Variants in AGBL1 observed in about 807,000 individuals in gnomAD.
The protein encoded by AGBL1 is cytosolic carboxypeptidase 4.
In AGBL1, 130 loss-of-function variants were observed where a neutral mutation model predicts 118.9. The ratio of observed to expected loss-of-function variants is 1.09; its 90% confidence interval spans 0.95 to 1.26. The LOEUF (loss-of-function observed/expected upper bound fraction) is 1.26, where lower values mean the gene tolerates loss of function less well. Among genes scored for constraint, AGBL1 ranks in the 50% most tolerant of loss-of-function variants. The pLI is 0.00. For synonymous variants in AGBL1, 555 were observed against 478.9 expected, an observed-to-expected ratio of 1.16 and a Z score of -2.08; for missense variants, 1,584 against 1,298.1, an observed-to-expected ratio of 1.22 and a Z score of -3.38.
chr15:86,404,524 G>A (rs146718241), intron 18 of AGBL1, among the ~76,000 whole-genome samples: 12 of 152,248 alleles, frequency 7.9e-5, no homozygotes, highest in Middle Eastern at 3.4e-3. Context: ...AAGTCCTTTG[G>A]TATAATGACA....
At chr15:86,973,687 C>A (rs1002655955) in intron 23 of AGBL1, among the ~76,000 whole-genome samples, 2 of 151,700 alleles carry the variant, frequency 1.3e-5, no homozygotes, top group Non-Finnish European at 2.9e-5. Context: ...GAGAAAGGAT[C>A]TTTGTGCTTA....
chr15:86,746,773 C>A (rs1020984089), intron 22 of AGBL1, among the ~76,000 whole-genome samples: 3 of 151,824 alleles, frequency 2.0e-5, no homozygotes, highest in African/African-American at 7.3e-5. Context: ...TGACGCTGGC[C>A]CCCTAAAGAC....
chr15:86,222,588 A>T (rs1177526144), intron 5 of AGBL1, among the ~76,000 whole-genome samples: 1 of 152,180 alleles, frequency 6.6e-6, no homozygotes, highest in Non-Finnish European at 1.5e-5. Context: ...TCTTTAGAAT[A>T]TTGGACTTTG....
chr15:86,500,528 AT>A (rs5814244), intron 18 of AGBL1, among the ~76,000 whole-genome samples: 151,815 of 151,816 alleles, frequency 1, 75,907 homozygotes, highest in Middle Eastern at 1. Flanking sequence ...TTCATATACC[AT>A]TGCTATTCAG....
intron 22 of AGBL1, among the ~76,000 whole-genome samples, chr15:86,821,434 C>A (rs980706816): frequency 6.6e-6 from 1 of 152,024 alleles, no homozygotes; most frequent in African/African-American, 2.4e-5. Flanking sequence ...ATATGAAGAA[C>A]AACATTTTGG....
chr15:86,129,223 T>C (rs2076787528), intron 1 of AGBL1, among the ~76,000 whole-genome samples: 1 of 152,224 alleles, frequency 6.6e-6, no homozygotes, highest in African/African-American at 2.4e-5. Flanking sequence ...ATGCTGGATA[T>C]ATCTATAGAA....
At chr15:86,378,230 T>G (rs1467396645) in intron 17 of AGBL1, among the ~76,000 whole-genome samples, 1 of 152,240 alleles carries the variant, frequency 6.6e-6, no homozygotes, top group East Asian at 1.9e-4. Flanking sequence ...GTTACCTTAA[T>G]GTGCTGTCTG....
intron 23 of AGBL1, among the ~76,000 whole-genome samples, chr15:86,932,447 T>G (rs938242770): frequency 6.6e-6 from 1 of 152,220 alleles, no homozygotes; most frequent in African/African-American, 2.4e-5. Flanking sequence ...GATTTGATAG[T>G]GTTTAGGACC....
intron 18 of AGBL1, among the ~76,000 whole-genome samples, chr15:86,476,170 A>G (rs993410157): frequency 6.6e-6 from 1 of 152,246 alleles, no homozygotes; most frequent in Non-Finnish European, 1.5e-5. Context: ...AAACTGCATC[A>G]ACTAATGAGC....
intron 17 of AGBL1, among the ~76,000 whole-genome samples, chr15:86,362,233 C>T (rs2080815921): frequency 6.6e-6 from 1 of 152,138 alleles, no homozygotes; most frequent in Non-Finnish European, 1.5e-5. Flanking sequence ...TTCCAGTTTA[C>T]ATCTTTTAAT....
At chr15:86,807,680 A>C (rs558517393) in intron 22 of AGBL1, among the ~76,000 whole-genome samples, 6 of 152,176 alleles carry the variant, frequency 3.9e-5, no homozygotes. Context: ...TTTCCTAAGA[A>C]TGAGGTGGTT....
intron 17 of AGBL1, among the ~76,000 whole-genome samples, chr15:86,330,799 GA>G (rs904469383): frequency 3.3e-5 from 5 of 151,756 alleles, no homozygotes; most frequent in Admixed American, 2.6e-4. Flanking sequence ...TCTGGAATTG[GA>G]AAAAAAATTG....
chr15:86,261,067 C>T (rs2142024063), intron 9 of AGBL1, among the ~76,000 whole-genome samples: 1 of 152,242 alleles, frequency 6.6e-6, no homozygotes, highest in East Asian at 1.9e-4. Flanking sequence ...GGCTCTTTTC[C>T]AATAAAACTT....
At chr15:86,358,781 A>G (rs2080759844) in intron 17 of AGBL1, among the ~76,000 whole-genome samples, 1 of 151,994 alleles carries the variant, frequency 6.6e-6, no homozygotes, top group Admixed American at 6.5e-5. Context: ...ATTGACGCTG[A>G]GCATCTTTTC....
intron 17 of AGBL1, among the ~76,000 whole-genome samples, chr15:86,382,798 T>A (rs1209697073): frequency 3.9e-5 from 6 of 152,152 alleles, no homozygotes; most frequent in Non-Finnish European, 8.8e-5. Flanking sequence ...TAAATTAACA[T>A]AAGCCCATAA....
intron 18 of AGBL1, among the ~76,000 whole-genome samples, chr15:86,478,539 C>A (rs935069953): frequency 6.6e-6 from 1 of 152,058 alleles, no homozygotes; most frequent in African/African-American, 2.4e-5. Context: ...TGTGAAGGAC[C>A]TCTTCAGGGA....
chr15:86,511,595 C>T (rs2083053011), intron 18 of AGBL1, among the ~76,000 whole-genome samples: 1 of 152,012 alleles, frequency 6.6e-6, no homozygotes, highest in Admixed American at 6.6e-5. Context: ...TCAACTTTCT[C>T]ATGTGCAAAA....
chr15:86,371,274 A>G (rs990410707), intron 17 of AGBL1, among the ~76,000 whole-genome samples: 3 of 152,198 alleles, frequency 2.0e-5, no homozygotes, highest in East Asian at 3.9e-4. Flanking sequence ...AGGAGTTCAC[A>G]GGAATAAAAG....
intron 18 of AGBL1, among the ~76,000 whole-genome samples, chr15:86,463,493 T>C (rs1346492187): frequency 1.3e-5 from 2 of 152,210 alleles, no homozygotes; most frequent in African/African-American, 4.8e-5. Flanking sequence ...CTTTTGGTGT[T>C]TTAGTCATGA....
Sources: gnomAD v4.1 joint callset for allele counts (sites outside exome capture counted in the v4.1 genomes callset) on GRCh38, gnomAD v4.1.1 for gene constraint, MANE v1.5 for transcripts, NCBI Gene and HGNC (gene_info 2026-07-23, HGNC 2026-07-21) for gene names.